The following ALK variants were observed in gnomAD, a reference collection of about 807,000 sequenced individuals.
ALK encodes ALK tyrosine kinase receptor.
A neutral mutation model predicts 163.1 loss-of-function variants in ALK; 74 were observed. That is an observed-to-expected ratio of 0.45 (90% CI 0.38 to 0.55). ALK has a LOEUF of 0.55. ALK is among the 20% of genes least tolerant of loss of function. The pLI is 0.00. For missense variants in ALK, 2,063 were observed against 2,105.3 expected, an observed-to-expected ratio of 0.98 and a Z score of 0.39; for synonymous variants, 960 against 843.2, an observed-to-expected ratio of 1.14 and a Z score of -2.40.
Position 29,412,898 on chromosome 2 carries a change from T to C in ALK, c.1155-29039A>G, listed in dbSNP as rs150051078. On this transcript the variant is annotated intron_variant, in intron 4 of 28. Coordinates refer to ENST00000389048, the MANE Select transcript of ALK (RefSeq NM_004304.5). ...GTGAGGAGTTTCTCCATAACTGCTA[T>C]AGACCCTTCTAGAATTTTTGTTTGT... Among the ~76,000 whole-genome samples, 639 of 152,348 alleles carry C rather than the reference T, an allele frequency of 4.2e-3. 2 individuals carry two copies. Among genetic ancestry groups the C allele is most frequent in the Non-Finnish European group, 7.2e-3 (488 of 68,026 alleles).
chr2:29,698,708 A>G (rs1455133543), intron 2 of ALK, among the ~76,000 whole-genome samples: 2 of 152,328 alleles, frequency 1.3e-5, no homozygotes, highest in Middle Eastern at 3.4e-3. Flanking sequence ...TTTAAGTGTG[A>G]TAATTGGCTG....
intron 5 of ALK, among the ~76,000 whole-genome samples, chr2:29,349,564 G>A (rs1668052818): frequency 6.6e-6 from 1 of 152,164 alleles, no homozygotes; most frequent in African/African-American, 2.4e-5. Context: ...CAGGAAGCAG[G>A]GATCCTCTGT....
chr2:29,290,211 C>G (rs1202925319), intron 9 of ALK, among the ~76,000 whole-genome samples: 1 of 152,182 alleles, frequency 6.6e-6, no homozygotes, highest in Admixed American at 6.5e-5. Context: ...CCCCTCTGGG[C>G]CTCTGTCTTT....
chr2:29,464,849 C>A (rs1031721984), intron 4 of ALK, among the ~76,000 whole-genome samples: 2 of 152,038 alleles, frequency 1.3e-5, no homozygotes, highest in Non-Finnish European at 2.9e-5. Context: ...AGTTGAGAAA[C>A]CTTGTTGTAG....
intron 3 of ALK, among the ~76,000 whole-genome samples, chr2:29,533,702 C>A (rs1035774982): frequency 6.6e-6 from 1 of 152,220 alleles, no homozygotes; most frequent in African/African-American, 2.4e-5. Flanking sequence ...TTTGAGCAAA[C>A]ATCCAAGCAC....
chr2:29,618,534 C>T (rs145839063), intron 3 of ALK, among the ~76,000 whole-genome samples: 1 of 152,006 alleles, frequency 6.6e-6, no homozygotes, highest in African/African-American at 2.4e-5. Flanking sequence ...GAGAGGGTCC[C>T]CTCCCTGTGC....
intron 4 of ALK, among the ~76,000 whole-genome samples, chr2:29,479,736 G>A (rs1671616731): frequency 6.6e-6 from 1 of 152,194 alleles, no homozygotes; most frequent in Admixed American, 6.5e-5. Context: ...TGGGTCTGGG[G>A]ATGGCTGGTC....
At chr2:29,350,295 T>A (rs1668078195) in intron 5 of ALK, among the ~76,000 whole-genome samples, 1 of 152,220 alleles carries the variant, frequency 6.6e-6, no homozygotes, top group Non-Finnish European at 1.5e-5. Context: ...TGGGCCATTG[T>A]AAGTGACTGT....
chr2:29,609,070 C>T (rs959806965), intron 3 of ALK, among the ~76,000 whole-genome samples: 7 of 152,124 alleles, frequency 4.6e-5, no homozygotes, highest in African/African-American at 1.7e-4. Flanking sequence ...ATGACAGGCA[C>T]ACACCACCAT....
intron 4 of ALK, among the ~76,000 whole-genome samples, chr2:29,504,870 A>G (rs2148134841): frequency 6.6e-6 from 1 of 152,264 alleles, no homozygotes; most frequent in African/African-American, 2.4e-5. Flanking sequence ...AACCACAATT[A>G]CCTTTGCACC....
intron 3 of ALK, among the ~76,000 whole-genome samples, chr2:29,651,355 T>C (rs1049975566): frequency 1.3e-5 from 2 of 152,148 alleles, no homozygotes; most frequent in Non-Finnish European, 2.9e-5. Context: ...ACCTTAAACA[T>C]TCTGTTTTAA....
chr2:29,720,727 G>C (rs2148309872), intron 1 of ALK, among the ~76,000 whole-genome samples: 1 of 152,300 alleles, frequency 6.6e-6, no homozygotes, highest in South Asian at 2.1e-4. Context: ...TCAAGACACT[G>C]TCTGTTCCCA....
At chr2:29,648,405 T>C (rs563945606) in intron 3 of ALK, among the ~76,000 whole-genome samples, 36 of 152,262 alleles carry the variant, frequency 2.4e-4, no homozygotes, top group Non-Finnish European at 4.6e-4. Context: ...TGGTATTAAG[T>C]ACATTCACAG....
At position 29,832,922 on chromosome 2, in the gene ALK, T is replaced by C. The variant is rs549492338; in HGVS notation, c.667+87071A>G. Among the ~76,000 whole-genome samples, 14 of 152,336 alleles carry C rather than the reference T, an allele frequency of 9.2e-5. No individual in the cohort carries two copies. The South Asian group carries it at 2.9e-3, about 32-fold the overall frequency. ...AGCTTGCTTCCTGAGAAGGCGGCAG[T>C]TGAGCTGGGCTCTAAAGTATGTGTA... On this transcript the variant is annotated intron_variant, in intron 1 of 28. Coordinates refer to ENST00000389048, the MANE Select transcript of ALK (RefSeq NM_004304.5).
intron 2 of ALK, among the ~76,000 whole-genome samples, chr2:29,705,019 A>G (rs1573569849): frequency 6.6e-6 from 1 of 151,652 alleles, no homozygotes; most frequent in African/African-American, 2.4e-5. Context: ...GGAGTTCGAG[A>G]CCAGCCTAGC....
rs1672879628 is a variant in ALK, at chr2:29,523,858, G to GTCTTTT, written c.1154+8056_1154+8057insAAAAGA. On this transcript the variant is annotated intron_variant, in intron 4 of 28. Coordinates refer to ENST00000389048, the MANE Select transcript of ALK (RefSeq NM_004304.5). ...AGGTCAGAACTGGCAGAAGCTGAAG[G>GTCTTTT]TTTTTTTTTTTTTTTTTTTTTTTTT... 7.2e-5 allele frequency among the ~76,000 whole-genome samples: 8 copies of GTCTTTT among 110,952 alleles called. 3 individuals are homozygous for GTCTTTT. The highest frequency in any genetic ancestry group is 1.1e-4 in the African/African-American group (3 of 28,276). The allele number at this position is 110,952 out of a possible 152,430, so 72.8% of individuals were successfully genotyped here.
chr2:29,378,186 A>G (rs11886170), intron 5 of ALK, among the ~76,000 whole-genome samples: 15,580 of 152,244 alleles, frequency 0.1, 845 homozygotes, highest in African/African-American at 0.13. Context: ...CTGCCTCTGA[A>G]CAATCTGAGC....
chr2:29,431,190 G>C (rs1670264271), intron 4 of ALK, among the ~76,000 whole-genome samples: 1 of 152,122 alleles, frequency 6.6e-6, no homozygotes, highest in African/African-American at 2.4e-5. Flanking sequence ...AATGATTTCT[G>C]ATATAAGACA....
At chr2:29,563,368 G>A (rs1051360429) in intron 3 of ALK, among the ~76,000 whole-genome samples, 10 of 152,102 alleles carry the variant, frequency 6.6e-5, no homozygotes, top group South Asian at 4.1e-4. Flanking sequence ...AGAGGAGCAG[G>A]GAAGTACCAG....
Sources: gnomAD v4.1 joint callset for allele counts (sites outside exome capture counted in the v4.1 genomes callset) on GRCh38, gnomAD v4.1.1 for gene constraint, MANE v1.5 for transcripts, NCBI Gene and HGNC (gene_info 2026-07-23, HGNC 2026-07-21) for gene names.